The following SLC16A5 variants were observed in gnomAD, a reference collection of about 807,000 sequenced individuals.
SLC16A5 encodes monocarboxylate transporter 6.
In SLC16A5, 29 loss-of-function variants were observed where a neutral mutation model predicts 33.2. The observed-to-expected ratio is 0.87, with a 90% CI of 0.65 to 1.19. SLC16A5 has a LOEUF of 1.19. Ranked by LOEUF, SLC16A5 falls within the 50% of genes most tolerant of loss-of-function variation. SLC16A5 has a pLI of 0.00. For missense variants in SLC16A5, 606 were observed against 678.2 expected, an observed-to-expected ratio of 0.89 and a Z score of 1.18; for synonymous variants, 248 against 284.1, an observed-to-expected ratio of 0.87 and a Z score of 1.28.
At chr17:75,097,797 G>T (rs1020339686) in intron 3 of SLC16A5, among the ~76,000 whole-genome samples, 3 of 152,202 alleles carry the variant, frequency 2.0e-5, no homozygotes, top group Non-Finnish European at 4.4e-5. Flanking sequence ...CCTCATCAGG[G>T]TCAAACATCG....
intron 3 of SLC16A5, among the ~76,000 whole-genome samples, chr17:75,094,404 T>A (rs2145010026): frequency 6.6e-6 from 1 of 152,212 alleles, no homozygotes; most frequent in Non-Finnish European, 1.5e-5. Context: ...ACACCAGGAA[T>A]GGCCGGGCGC....
chr17:75,096,077 T>TTAC (rs1212392738), intron 3 of SLC16A5, among the ~76,000 whole-genome samples: 2 of 151,768 alleles, frequency 1.3e-5, no homozygotes, highest in Admixed American at 6.6e-5. Context: ...AATGCTGGGA[T>TTAC]TACAGACATG....
Position 75,105,889 on chromosome 17 carries a change from T to C in SLC16A5, c.1374T>C (p.Ser458=). The C allele has an allele frequency of 1.2e-6, 2 of 1,602,616 alleles. No individual in the cohort carries two copies. The highest frequency in any genetic ancestry group is 1.7e-6 in the Non-Finnish European group (2 of 1,172,212). ...KQRSPEIMCQ[S]SRQPRPAGVN... ...TTATTTTCATGAACAGGTGCCAGTC[T>C]TCCCGCCAGCCACGTCCAGCTGGCG... Residue 458 remains serine, a synonymous_variant, in exon 7 of 7, where the codon TCT becomes TCC. Coordinates refer to ENST00000329783, the MANE Select transcript of SLC16A5 (RefSeq NM_004695.4).
chr17:75,088,223 G>A (rs1022423057), intron 1 of SLC16A5, among the ~76,000 whole-genome samples, 179 bp downstream of exon 1: 3 of 152,174 alleles, frequency 2.0e-5, no homozygotes, highest in African/African-American at 7.2e-5. Context: ...CCGGGGCCTG[G>A]GGTGATGACC....
In SLC16A5 at chr17:75,098,108, C is replaced by T. The variant is rs2073744307; in HGVS notation, c.270C>T (p.Ala90=). 1 of 1,611,984 alleles carries T rather than the reference C, an allele frequency of 6.2e-7. No individual in the cohort carries two copies. Residue 90 remains alanine, a synonymous_variant, in exon 4 of 7, where the codon GCC becomes GCT. Coordinates refer to ENST00000329783, the MANE Select transcript of SLC16A5 (RefSeq NM_004695.4). ...CCGTGATGCTGGGGGGCGTGCTGGC[C>T]AGCCTGGGCATGGTGGCCAGCTCCT... is the stretch of plus-strand genomic sequence containing the variant. ...RVTVMLGGVL[A]SLGMVASSFS... is the part of the protein sequence containing the mutation.
Position 75,098,059 on chromosome 17 carries a change from T to G in SLC16A5, c.221T>G (p.Val74Gly). ...HMAGPLCSIL[V>G]GRFGCRVTVM... is the part of the protein sequence containing the mutation. ...ACAGGGCCCCTGTGCAGCATCCTGGTGGGACGCTTCGGCTGCCGAGTGACC... is the reference window on the plus strand; with the variant it reads ...ACAGGGCCCCTGTGCAGCATCCTGGGGGGACGCTTCGGCTGCCGAGTGACC... The change falls in exon 4 of 7, where the codon GTG becomes GGG. Residue 74 changes from valine (V) to glycine (G), a missense_variant. Val to Gly is a moderately radical substitution (Grantham distance 109, BLOSUM62 -3). Transcript: ENST00000329783. 3 of 1,606,990 alleles carry G rather than the reference T, an allele frequency of 1.9e-6. No individual in the cohort carries two copies. The highest frequency in any genetic ancestry group is 1.7e-6 in the Non-Finnish European group (2 of 1,177,452).
At chr17:75,098,482 C>T (rs57580810) in intron 4 of SLC16A5, among the ~76,000 whole-genome samples, 5 of 152,004 alleles carry the variant, frequency 3.3e-5, no homozygotes, top group African/African-American at 9.7e-5. Context: ...GAGAATCGCC[C>T]GGGAAGTGGA....
intron 5 of SLC16A5, 123 bp from the exon 6 acceptor site, chr17:75,103,847 T>G: frequency 1.3e-6 from 1 of 797,292 alleles, no homozygotes; most frequent in Non-Finnish European, 2.1e-6. Context: ...GAGTGTCTAC[T>G]GGGTGTCAGC....
rs2073783966 is a variant in SLC16A5, at chr17:75,100,685, C to T, written c.1022C>T (p.Ser341Phe). Residue 341 changes from serine (S) to phenylalanine (F), a missense_variant, in exon 5 of 7, where the codon TCC (serine) becomes TTC (phenylalanine). Physicochemically the swap from Ser to Phe is radical, Grantham distance 155 (BLOSUM62 -2). Coordinates refer to ENST00000329783, the MANE Select transcript of SLC16A5 (RefSeq NM_004695.4). ...GGCTACTGCCTGGCGTACAGCGTGT[C>T]CATGAGTGGCATCGGCGCCCTCATC... is the stretch of plus-strand genomic sequence containing the variant. Reference protein sequence around the residue: ...LVGYCLAYSVSMSGIGALIFQ... With the variant: ...LVGYCLAYSVFMSGIGALIFQ... 1 of 1,614,222 alleles carries T rather than the reference C, an allele frequency of 6.2e-7. No individual in the cohort carries two copies. The highest frequency in any genetic ancestry group is 1.1e-5 in the South Asian group (1 of 91,088).
In SLC16A5 at chr17:75,104,488, C is replaced by T. The variant is rs186206239; in HGVS notation, c.1364+308C>T. Reference sequence around the variant, plus strand: ...AGGCTGGAGTGCAGTGGCACCATCTCGGCTCACTGCAACCTCTGCCTCCCA... The same window carrying T: ...AGGCTGGAGTGCAGTGGCACCATCTTGGCTCACTGCAACCTCTGCCTCCCA... On this transcript the variant is annotated intron_variant, in intron 6 of 6. Coordinates refer to ENST00000329783, the MANE Select transcript of SLC16A5 (RefSeq NM_004695.4). 8.8e-5 allele frequency: 97 copies of T among 1,104,504 alleles called. No homozygotes were observed. The East Asian group carries it at 2.2e-3, about 25-fold the overall frequency. The allele number at this position is 1,104,504 out of a possible 1,614,324, so 68.4% of individuals were successfully genotyped here.
At chr17:75,091,742 G>A (rs1488251449) in intron 2 of SLC16A5, among the ~76,000 whole-genome samples, 1 of 152,266 alleles carries the variant, frequency 6.6e-6, no homozygotes, top group Non-Finnish European at 1.5e-5. Flanking sequence ...GGGAGGCTGT[G>A]GGAACAGCAG....
At chr17:75,098,847 G>T (rs1340734205) in intron 4 of SLC16A5, among the ~76,000 whole-genome samples, 1 of 152,146 alleles carries the variant, frequency 6.6e-6, no homozygotes, top group East Asian at 1.9e-4. Flanking sequence ...GACAGCCACT[G>T]GGGGAATGGG....
At chr17:75,094,829 A>G (rs1169478090) in intron 3 of SLC16A5, among the ~76,000 whole-genome samples, 2 of 152,290 alleles carry the variant, frequency 1.3e-5, no homozygotes, top group East Asian at 3.9e-4. Context: ...CTCTGTCACC[A>G]TAGGCCTCAG....
In SLC16A5 at chr17:75,096,181, C is replaced by T. The variant is rs191164205; in HGVS notation, c.200-1857C>T. Among the ~76,000 whole-genome samples, 11 of 151,930 alleles carry T rather than the reference C, an allele frequency of 7.2e-5. 1 individual carries two copies. The highest frequency in any genetic ancestry group is 2.4e-4 in the African/African-American group (10 of 41,236). ...TCCTTTCAAGTGCCCCTGCCCCTAC[C>T]TACGCCTTTTAGAGGTAAGGAAAGC... is the stretch of plus-strand genomic sequence containing the variant. On this transcript the variant is annotated intron_variant, in intron 3 of 6. Coordinates refer to ENST00000329783, the MANE Select transcript of SLC16A5 (RefSeq NM_004695.4).
chr17:75,105,240 A>C (rs987486551), intron 6 of SLC16A5: 7 of 985,300 alleles, frequency 7.1e-6, no homozygotes, highest in African/African-American at 7.0e-5. Flanking sequence ...GCCCCCCTGC[A>C]GTCTCAGCAG....
In SLC16A5 at chr17:75,105,945, C is replaced by A; in HGVS notation, c.1430C>A (p.Ser477Tyr). The stretch of plus-strand genomic sequence containing the variant: ...AAGCATCTTTGGGGATGTCCTGCCT[C>A]CTCCAGGACCAGCCATGAGTGGCTC... ...VNKHLWGCPASSRTSHEWLLW... is the reference protein window; with the variant it reads ...VNKHLWGCPAYSRTSHEWLLW... The change falls in exon 7 of 7, where the codon TCC becomes TAC. Residue 477 changes from serine (S) to tyrosine (Y), a missense_variant. Ser to Tyr is a moderately radical substitution (Grantham distance 144). Transcript: ENST00000329783. 1 of 1,612,300 alleles carries A rather than the reference C, an allele frequency of 6.2e-7. No individual in the cohort carries two copies. The highest frequency in any genetic ancestry group is 8.5e-7 in the Non-Finnish European group (1 of 1,178,922).
intron 6 of SLC16A5, 68 bp from the exon 7 acceptor site, chr17:75,105,812 T>G (rs1357626771): frequency 1.4e-6 from 2 of 1,476,110 alleles, no homozygotes; most frequent in Non-Finnish European, 1.8e-6. Context: ...CAGGATGTTG[T>G]TTGTTGATTC....
chr17:75,106,502 C>T (rs1382871952), downstream of SLC16A5, among the ~76,000 whole-genome samples: 3 of 151,580 alleles, frequency 2.0e-5, no homozygotes, highest in Non-Finnish European at 4.4e-5. Flanking sequence ...CATGTAATCC[C>T]AGCTACTCGG....
intron 5 of SLC16A5, 34 bp downstream of exon 5, chr17:75,100,850 G>T: frequency 6.6e-7 from 1 of 1,520,468 alleles, no homozygotes. Context: ...GCCAGATAGT[G>T]TGGTAAAAGG....
Sources: allele counts gnomAD v4.1 joint callset (sites outside exome capture counted in the v4.1 genomes callset), GRCh38; gene constraint gnomAD v4.1.1; transcripts MANE v1.5; gene names NCBI Gene and HGNC (gene_info 2026-07-23, HGNC 2026-07-21).